The following CDYL variants were observed in gnomAD, a reference collection of about 807,000 sequenced individuals.
CDYL encodes chromodomain Y-like protein.
CDYL carries 8 observed loss-of-function variants against 47.3 expected under a neutral mutation model. The observed-to-expected ratio is 0.17, with a 90% CI of 0.10 to 0.31. The LOEUF (loss-of-function observed/expected upper bound fraction) is 0.31, where lower values mean the gene tolerates loss of function less well. Among genes scored for constraint, CDYL ranks in the 10% least tolerant of loss-of-function variants. The pLI is 1.00. For synonymous variants in CDYL, 266 were observed against 265.0 expected, an observed-to-expected ratio of 1.00 and a Z score of -0.04; for missense variants, 471 against 701.4, an observed-to-expected ratio of 0.67 and a Z score of 3.71.
At chr6:4,713,576 TA>T (rs1757195253) in intron 1 of CDYL, among the ~76,000 whole-genome samples, 1 of 140,680 alleles carries the variant, frequency 7.1e-6, no homozygotes, top group Non-Finnish European at 1.5e-5. Context: ...TTAAAACTTC[TA>T]TCATTTAGAT....
chr6:4,724,088 T>C (rs1043968997), intron 2 of CDYL, among the ~76,000 whole-genome samples: 16 of 152,230 alleles, frequency 1.1e-4, no homozygotes, highest in South Asian at 4.1e-4. Flanking sequence ...ACCCAGGCTC[T>C]GGAGTGCAGG....
intron 1 of CDYL, among the ~76,000 whole-genome samples, chr6:4,827,724 C>T (rs1161200982): frequency 6.6e-6 from 1 of 152,012 alleles, no homozygotes; most frequent in East Asian, 1.9e-4. Flanking sequence ...GGCATGATCT[C>T]GGCTCACTGA....
intron 2 of CDYL, among the ~76,000 whole-genome samples, chr6:4,716,714 C>T (rs1320700022): frequency 2.0e-5 from 3 of 149,808 alleles, no homozygotes; most frequent in East Asian, 3.9e-4. Context: ...AGTCTAGATA[C>T]CACGAGAGCT....
intron 2 of CDYL, among the ~76,000 whole-genome samples, chr6:4,914,255 A>G (rs1321505475): frequency 6.6e-6 from 1 of 150,678 alleles, no homozygotes; most frequent in African/African-American, 2.5e-5. Context: ...TAGTAGATCA[A>G]CAGGGTTTGC....
At chr6:4,831,162 C>A (rs1405969683) in intron 1 of CDYL, among the ~76,000 whole-genome samples, 2 of 152,120 alleles carry the variant, frequency 1.3e-5, no homozygotes, top group Non-Finnish European at 2.9e-5. Flanking sequence ...AGTTCTAGAT[C>A]CCTGAGGAAT....
chr6:4,799,773 G>A (rs1390433829), intron 1 of CDYL, among the ~76,000 whole-genome samples: 1 of 152,022 alleles, frequency 6.6e-6, no homozygotes, highest in African/African-American at 2.4e-5. Context: ...TTGTTTTTTG[G>A]TCCAATTTTA....
At chr6:4,722,006 G>A (rs928775559) in intron 2 of CDYL, among the ~76,000 whole-genome samples, 2 of 152,026 alleles carry the variant, frequency 1.3e-5, no homozygotes, top group Admixed American at 6.5e-5. Flanking sequence ...GGGATTATAG[G>A]CATGTGCCTG....
rs549510747 is a variant in CDYL at position 4,756,553 on chromosome 6, A to G, written c.186+21709A>G. On this transcript the variant is annotated intron_variant, in intron 3 of 8. Transcript: ENST00000328908. The stretch of plus-strand genomic sequence containing the variant: ...GAAGCATATGTTGCCCTGTGTAGTA[A>G]TTGTAGTAATTAAAATTATCGTGTG... Among the ~76,000 whole-genome samples, 21 of 149,878 alleles carry G rather than the reference A, an allele frequency of 1.4e-4. 1 individual carries two copies. The South Asian group carries it at 3.6e-3, about 25-fold the overall frequency.
chr6:4,914,048 G>A (rs1197495829), intron 2 of CDYL, among the ~76,000 whole-genome samples: 2 of 152,146 alleles, frequency 1.3e-5, no homozygotes, highest in Admixed American at 6.5e-5. Context: ...GACTATTGTT[G>A]ATTTTTACTT....
chr6:4,781,531 G>A (rs1758618816), intron 1 of CDYL, among the ~76,000 whole-genome samples: 1 of 152,224 alleles, frequency 6.6e-6, no homozygotes, highest in Admixed American at 6.5e-5. Context: ...TATCTTAAAT[G>A]CTCTTTTTCC....
intron 1 of CDYL, 68 bp from the exon 2 acceptor site, chr6:4,891,645 A>G: frequency 7.8e-7 from 1 of 1,283,382 alleles, no homozygotes. Flanking sequence ...GATGTTTCCT[A>G]ATGAAACTTG....
Position 4,795,981 on chromosome 6 carries a change from G to A in CDYL, c.24+19174G>A, listed in dbSNP as rs772485645. 3.6e-4 allele frequency among the ~76,000 whole-genome samples: 54 copies of A among 152,040 alleles called. 2 individuals carry two copies. The highest frequency in any genetic ancestry group is 3.4e-3 in the Middle Eastern group (1 of 294). On this transcript the variant is annotated intron_variant, in intron 1 of 6. Coordinates refer to ENST00000397588, the MANE Select transcript of CDYL (RefSeq NM_004824.4). ...CATTCACTTTTTTTCCTGAGACAGA[G>A]TCTTGCTCTGTTGCCCAGGTTAGAG... is the stretch of plus-strand genomic sequence containing the variant.
intron 1 of CDYL, among the ~76,000 whole-genome samples, chr6:4,883,804 T>G (rs780136584): frequency 6.6e-6 from 1 of 152,190 alleles, no homozygotes; most frequent in African/African-American, 2.4e-5. Context: ...AGGGCAGGTA[T>G]TATCTCCCTT....
intron 1 of CDYL, among the ~76,000 whole-genome samples, chr6:4,882,858 C>T (rs1290464536): frequency 1.3e-5 from 2 of 152,158 alleles, no homozygotes; most frequent in Non-Finnish European, 1.5e-5. Flanking sequence ...GTTTCCAATG[C>T]TAATGATGAT....
At chr6:4,951,022 T>C (rs113184854) in intron 5 of CDYL, among the ~76,000 whole-genome samples, 1,591 of 151,440 alleles carry the variant, frequency 0.011, 32 homozygotes, top group African/African-American at 0.037. Context: ...GGGCAGTGAG[T>C]CAGCCACGTG....
intron 1 of CDYL, among the ~76,000 whole-genome samples, chr6:4,818,726 C>T (rs968123342): frequency 4.6e-5 from 7 of 152,120 alleles, no homozygotes; most frequent in Non-Finnish European, 8.8e-5. Context: ...AGTTGTATTC[C>T]GTAGTAGAGA....
chr6:4,771,122 T>C (rs1197715929), intron 3 of CDYL, among the ~76,000 whole-genome samples: 1 of 152,036 alleles, frequency 6.6e-6, no homozygotes, highest in Non-Finnish European at 1.5e-5. Flanking sequence ...CACTTTTTTT[T>C]TTGGCGGGGG....
At chr6:4,929,572 ACTGCTTAATATTGTC>A (rs1446774279) in intron 2 of CDYL, among the ~76,000 whole-genome samples, 1 of 151,418 alleles carries the variant, frequency 6.6e-6, no homozygotes, top group African/African-American at 2.4e-5. Context: ...CATATGCTAG[ACTGCTTAATATTGTC>A]CTACAGGGCA....
intron 3 of CDYL, among the ~76,000 whole-genome samples, chr6:4,757,602 G>C (rs963518928): frequency 2.0e-5 from 3 of 152,156 alleles, no homozygotes; most frequent in Non-Finnish European, 2.9e-5. Flanking sequence ...CCCAATATGA[G>C]AATTCAACTC....
Sources: gnomAD v4.1 joint callset for allele counts (sites outside exome capture counted in the v4.1 genomes callset) on GRCh38, gnomAD v4.1.1 for gene constraint, MANE v1.5 for transcripts, NCBI Gene and HGNC (gene_info 2026-07-23, HGNC 2026-07-21) for gene names.